ADAM10: variants seen among roughly 807,000 people sequenced by gnomAD.
ADAM10 encodes the protein disintegrin and metalloproteinase domain-containing protein 10.
A neutral mutation model predicts 90.1 loss-of-function variants in ADAM10; 17 were observed. That is an observed-to-expected ratio of 0.19 (90% CI 0.13 to 0.28). ADAM10 has a LOEUF of 0.28. Ranked by LOEUF, ADAM10 falls within the 10% of genes least tolerant of loss-of-function variation. The pLI is 1.00. For synonymous variants in ADAM10, 310 were observed against 298.6 expected (o/e 1.04, Z -0.40); for missense variants, 610 against 914.3 (o/e 0.67, Z 4.29).
chr15:58,615,094 G>A (rs1357615892), intron 11 of ADAM10, among the ~76,000 whole-genome samples: 4 of 152,000 alleles, frequency 2.6e-5, no homozygotes, highest in Admixed American at 2.6e-4. Context: ...CTAACACAGT[G>A]AAACCCCATC....
chr15:58,744,853 CCAACAA>C (rs1350361961), intron 1 of ADAM10, among the ~76,000 whole-genome samples: 1 of 151,878 alleles, frequency 6.6e-6, no homozygotes, highest in Non-Finnish European at 1.5e-5. Flanking sequence ...CTAACCAAGA[CCAACAA>C]CAACAACAAC....
chr15:58,721,160 TA>T (rs1898839880), intron 1 of ADAM10, among the ~76,000 whole-genome samples: 2 of 152,226 alleles, frequency 1.3e-5, no homozygotes, highest in African/African-American at 4.8e-5. Flanking sequence ...GGAGAGTTAT[TA>T]AACAAAGTCA....
chr15:58,701,302 G>C (rs1171235131), intron 2 of ADAM10, among the ~76,000 whole-genome samples: 2 of 151,926 alleles, frequency 1.3e-5, no homozygotes, highest in Non-Finnish European at 2.9e-5. Flanking sequence ...CTCAAAAGAA[G>C]ACACAGAAAT....
In ADAM10 at chr15:58,592,340, T is replaced by C. The variant is rs1457993613; in HGVS notation, c.*5207A>G. ...TTTCTTTAAAAGCGTATCCCAAAGG[T>C]AACTATAATTCTGTCCACTACCATC... On this transcript the variant is annotated 3_prime_UTR_variant, in exon 16 of 16. Transcript: ENST00000260408. 2.0e-5 allele frequency: 3 copies of C among 152,218 alleles called. No individual in the cohort carries two copies. Among genetic ancestry groups the C allele is most frequent in the Non-Finnish European group, 4.4e-5 (3 of 68,040 alleles). 9.4% of individuals were successfully genotyped at this position (152,218 alleles called of 1,614,324 possible).
intron 5 of ADAM10, among the ~76,000 whole-genome samples, chr15:58,652,112 A>C (rs1896703759): frequency 6.6e-6 from 1 of 152,100 alleles, no homozygotes; most frequent in East Asian, 1.9e-4. Flanking sequence ...TTTTCTATAG[A>C]GTTATTTCAG....
chr15:58,711,401 G>C (rs1208885165), intron 2 of ADAM10, among the ~76,000 whole-genome samples: 4 of 152,092 alleles, frequency 2.6e-5, no homozygotes, highest in African/African-American at 9.7e-5. Context: ...ATATTATCTT[G>C]TCTAAACTTC....
At chr15:58,605,745 C>A (rs1792217631) in intron 14 of ADAM10, among the ~76,000 whole-genome samples, 1 of 152,016 alleles carries the variant, frequency 6.6e-6, no homozygotes, top group South Asian at 2.1e-4. Flanking sequence ...TTCAAAAACT[C>A]AAGAAGTTTC....
chr15:58,726,773 G>C (rs575291506), intron 1 of ADAM10, among the ~76,000 whole-genome samples: 70 of 151,604 alleles, frequency 4.6e-4, no homozygotes, highest in African/African-American at 1.6e-3. Context: ...AGTGAGGTGG[G>C]AGGACTGCTT....
chr15:58,700,422 A>C (rs1321419940), intron 2 of ADAM10, among the ~76,000 whole-genome samples: 1 of 152,230 alleles, frequency 6.6e-6, no homozygotes, highest in Non-Finnish European at 1.5e-5. Flanking sequence ...AACCACGAAC[A>C]AGAACTTTGG....
intron 6 of ADAM10, 23 bp downstream of exon 6, chr15:58,646,032 A>G (rs1412783091): frequency 6.2e-7 from 1 of 1,612,462 alleles, no homozygotes; most frequent in South Asian, 1.1e-5. Context: ...GGAACTACTA[A>G]AATAGCGCAT....
chr15:58,623,166 A>G (rs1895837500), intron 10 of ADAM10, among the ~76,000 whole-genome samples: 1 of 152,240 alleles, frequency 6.6e-6, no homozygotes, highest in Non-Finnish European at 1.5e-5. Context: ...TTATATTCAG[A>G]TAATTATTTC....
chr15:58,646,326 G>T, intron 5 of ADAM10, 122 bp from the exon 6 acceptor site: 2 of 1,023,148 alleles, frequency 2.0e-6, no homozygotes, highest in Non-Finnish European at 1.4e-6. Context: ...AGGTATTTCT[G>T]CTGCCATTAA....
chr15:58,697,873 A>C (rs977332676), intron 2 of ADAM10, among the ~76,000 whole-genome samples: 48 of 152,234 alleles, frequency 3.2e-4, no homozygotes, highest in African/African-American at 1.1e-3. Context: ...TCCACTAACA[A>C]ACCAAACCCT....
intron 2 of ADAM10, among the ~76,000 whole-genome samples, chr15:58,710,204 A>C (rs139582883): frequency 6.6e-6 from 1 of 152,154 alleles, no homozygotes; most frequent in Non-Finnish European, 1.5e-5. Flanking sequence ...ACTTAAACCC[A>C]GGAGGCAGAG....
chr15:58,642,482 T>G (rs79285214), intron 7 of ADAM10, among the ~76,000 whole-genome samples: 2,292 of 151,886 alleles, frequency 0.015, 64 homozygotes, highest in African/African-American at 0.051. Flanking sequence ...AAAAACAAAT[T>G]GCATTTAAAT....
chr15:58,735,007 A>G (rs1344348568), intron 1 of ADAM10, among the ~76,000 whole-genome samples: 2 of 152,172 alleles, frequency 1.3e-5, no homozygotes, highest in African/African-American at 2.4e-5. Flanking sequence ...CAGAGACTGG[A>G]CCTATCAACT....
chr15:58,643,834 T>C (rs969304469), intron 7 of ADAM10, 52 bp downstream of exon 7: 16 of 1,297,030 alleles, frequency 1.2e-5, no homozygotes, highest in South Asian at 7.1e-5. Context: ...TGTGTAAACA[T>C]AGTCTGGACT....
chr15:58,658,257 T>C (rs1390621606), intron 5 of ADAM10, among the ~76,000 whole-genome samples: 2 of 152,148 alleles, frequency 1.3e-5, no homozygotes, highest in Non-Finnish European at 1.5e-5. Context: ...TCCAGTACCA[T>C]TTGTTGAAAA....
chr15:58,643,817 GT>G, intron 7 of ADAM10, 68 bp downstream of exon 7: 1 of 1,123,140 alleles, frequency 8.9e-7, no homozygotes, highest in Non-Finnish European at 1.4e-6. Flanking sequence ...GCAAGCTTTT[GT>G]GTGTGTGTGT....
Sources: allele counts gnomAD v4.1 joint callset (sites outside exome capture counted in the v4.1 genomes callset), GRCh38; gene constraint gnomAD v4.1.1; transcripts MANE v1.5; gene names NCBI Gene and HGNC (gene_info 2026-07-23, HGNC 2026-07-21).